Variants in CNTNAP2 observed in about 807,000 individuals in gnomAD.
CNTNAP2 encodes the protein contactin-associated protein-like 2.
Under a neutral mutation model 155.2 loss-of-function variants are expected in CNTNAP2, and 98 were observed. The observed-to-expected ratio is 0.63, with a 90% CI of 0.54 to 0.75. The LOEUF is 0.75. Ranked by LOEUF, CNTNAP2 falls within the 30% of genes least tolerant of loss-of-function variation. The pLI is 0.00. For synonymous variants in CNTNAP2, 651 were observed against 631.2 expected (o/e 1.03, Z -0.47); for missense variants, 1,727 against 1,688.1 (o/e 1.02, Z -0.40).
intron 15 of CNTNAP2, among the ~76,000 whole-genome samples, chr7:147,984,605 G>C (rs948228937): frequency 6.6e-6 from 1 of 151,962 alleles, no homozygotes; most frequent in Non-Finnish European, 1.5e-5. Flanking sequence ...TGCTAATGAG[G>C]GGGTCTAGGG....
intron 8 of CNTNAP2, among the ~76,000 whole-genome samples, chr7:147,179,501 G>A (rs900617768): frequency 2.6e-5 from 4 of 152,286 alleles, no homozygotes; most frequent in South Asian, 4.1e-4. Context: ...GGAACAAATG[G>A]TTGACCTGTA....
rs183047714 is a variant in CNTNAP2 at position 146,994,894 on chromosome 7, A to G, written c.403-49013A>G. 9.9e-4 allele frequency among the ~76,000 whole-genome samples: 150 copies of G among 152,182 alleles called. 1 individual carries two copies. The Middle Eastern group carries it at 0.01, about 10-fold the overall frequency. On this transcript the variant is annotated intron_variant, in intron 3 of 23. Transcript: ENST00000361727. ...TCTCTTTGTGTTTTTTAAGAATACA[A>G]CATGATTATTATCTATGGTTGCCAT...
In CNTNAP2 at chr7:148,367,408, A is replaced by G. The variant is rs533573889; in HGVS notation, c.3476-16241A>G. ...AAGGAAAAATGTTCTAATATATAATATGTTAATACATAATATCATTATATT... is the reference window on the plus strand; with the variant it reads ...AAGGAAAAATGTTCTAATATATAATGTGTTAATACATAATATCATTATATT... On this transcript the variant is annotated intron_variant, in intron 21 of 23. Coordinates refer to ENST00000361727, the MANE Select transcript of CNTNAP2 (RefSeq NM_014141.6). 2.4e-4 allele frequency among the ~76,000 whole-genome samples: 37 copies of G among 152,262 alleles called. 1 individual carries two copies. The South Asian group carries it at 7.7e-3, about 32-fold the overall frequency.
intron 2 of CNTNAP2, among the ~76,000 whole-genome samples, chr7:146,832,747 G>A (rs945590861): frequency 1.3e-5 from 2 of 151,788 alleles, no homozygotes; most frequent in Admixed American, 1.3e-4. Flanking sequence ...TCAGGCTGGA[G>A]TACAGTGGTG....
chr7:147,612,335 G>A (rs1801203230), intron 12 of CNTNAP2, among the ~76,000 whole-genome samples: 1 of 150,278 alleles, frequency 6.7e-6, no homozygotes. Flanking sequence ...TTTCATGTTT[G>A]TTTCCAATAG....
intron 3 of CNTNAP2, among the ~76,000 whole-genome samples, chr7:146,900,947 C>T (rs192569534): frequency 6.3e-4 from 96 of 152,074 alleles, no homozygotes; most frequent in Non-Finnish European, 9.4e-4. Flanking sequence ...ATCCTCTGTC[C>T]TCATAATATA....
intron 2 of CNTNAP2, among the ~76,000 whole-genome samples, chr7:146,823,985 G>C (rs1803349070): frequency 1.3e-5 from 2 of 151,926 alleles, no homozygotes; most frequent in Admixed American, 6.6e-5. Context: ...TGTCATCTGG[G>C]TTTTAAGCCC....
intron 1 of CNTNAP2, among the ~76,000 whole-genome samples, chr7:146,130,472 TTAA>T (rs1470306960): frequency 2.0e-5 from 3 of 152,220 alleles, no homozygotes; most frequent in Admixed American, 1.3e-4. Context: ...ACTCTGCCTC[TTAA>T]TAATTTTTTT....
intron 13 of CNTNAP2, among the ~76,000 whole-genome samples, chr7:147,784,583 C>T (rs1348328603): frequency 8.6e-6 from 1 of 116,786 alleles, no homozygotes; most frequent in African/African-American, 2.9e-5. Flanking sequence ...CTTGGGTGAG[C>T]AGAGTGGGAA....
In CNTNAP2 at chr7:147,916,677, G is replaced by GAAA. The variant is rs11423683; in HGVS notation, c.2255+12967_2255+12969dup. 1.1e-3 allele frequency among the ~76,000 whole-genome samples: 138 copies of GAAA among 128,634 alleles called. 1 individual carries two copies. The highest frequency in any genetic ancestry group is 3.8e-3 in the African/African-American group (129 of 34,190). The allele number at this position is 128,634 out of a possible 152,430, so 84.4% of individuals were successfully genotyped here. ...AAGAGGGAGAGCTGTTATGTTTTCT[G>GAAA]AAAAAAAAAAAAATGCATTCTGCCC... On this transcript the variant is annotated intron_variant, in intron 14 of 23. Transcript: ENST00000361727.
At position 147,204,163 on chromosome 7, in the gene CNTNAP2, T is replaced by C. The variant is rs149626506; in HGVS notation, c.1348+71654T>C. Reference sequence around the variant, plus strand: ...AATAATAGGATGATATAGATTATTCTGAAAGAAAATAAGAGAGCAGCTTAT... The same window carrying C: ...AATAATAGGATGATATAGATTATTCCGAAAGAAAATAAGAGAGCAGCTTAT... On this transcript the variant is annotated intron_variant, in intron 8 of 23. Coordinates refer to ENST00000361727, the MANE Select transcript of CNTNAP2 (RefSeq NM_014141.6). Among the ~76,000 whole-genome samples, 1,016 of 151,918 alleles carry C rather than the reference T, an allele frequency of 6.7e-3. 48 individuals are homozygous for C. The highest frequency in any genetic ancestry group is 0.062 in the Admixed American group (943 of 15,252).
At chr7:147,900,749 T>C (rs946295925) in intron 13 of CNTNAP2, among the ~76,000 whole-genome samples, 1 of 152,154 alleles carries the variant, frequency 6.6e-6, no homozygotes, top group Non-Finnish European at 1.5e-5. Flanking sequence ...CCCAAGTAAC[T>C]GGGACTAGAG....
chr7:146,655,461 A>G lies in CNTNAP2; in HGVS notation c.98-118810A>G, dbSNP rs558484079. 1.6e-3 allele frequency among the ~76,000 whole-genome samples: 244 copies of G among 151,758 alleles called. 1 individual carries two copies. Among genetic ancestry groups the G allele is most frequent in the Middle Eastern group, 3.4e-3 (1 of 292 alleles). On this transcript the variant is annotated intron_variant, in intron 1 of 23. Coordinates refer to ENST00000361727, the MANE Select transcript of CNTNAP2 (RefSeq NM_014141.6). ...AAAGAAAAATATATCTTTATTTTCA[A>G]TATTACTGTCAGTGCCTGAAATCAT...
intron 13 of CNTNAP2, among the ~76,000 whole-genome samples, chr7:147,863,539 C>A (rs1398372315): frequency 6.6e-6 from 1 of 152,186 alleles, no homozygotes. Flanking sequence ...AATTTAGACT[C>A]CCACCAACAG....
At chr7:147,012,414 A>G (rs1798644178) in intron 3 of CNTNAP2, among the ~76,000 whole-genome samples, 1 of 152,170 alleles carries the variant, frequency 6.6e-6, no homozygotes, top group South Asian at 2.1e-4. Flanking sequence ...GTATTCTTAA[A>G]ATTTTTGCTG....
At chr7:148,201,703 G>A (rs531752170) in intron 18 of CNTNAP2, among the ~76,000 whole-genome samples, 1 of 152,102 alleles carries the variant, frequency 6.6e-6, no homozygotes, top group South Asian at 2.1e-4. Context: ...AATCAGGGAT[G>A]GGCAGGCAGC....
At chr7:146,205,150 G>T (rs1260261687) in intron 1 of CNTNAP2, among the ~76,000 whole-genome samples, 1 of 151,886 alleles carries the variant, frequency 6.6e-6, no homozygotes, top group Non-Finnish European at 1.5e-5. Flanking sequence ...TCTATTCCAA[G>T]AACACATTTA....
intron 1 of CNTNAP2, among the ~76,000 whole-genome samples, chr7:146,590,740 G>C (rs111585651): frequency 6.6e-6 from 1 of 152,124 alleles, no homozygotes; most frequent in Non-Finnish European, 1.5e-5. Flanking sequence ...ATATGTTTCT[G>C]TGCATGCCCA....
Position 148,313,837 on chromosome 7 carries a change from G to A in CNTNAP2, c.3475+46711G>A, listed in dbSNP as rs191575424. 3.4e-3 allele frequency among the ~76,000 whole-genome samples: 520 copies of A among 152,184 alleles called. 3 individuals are homozygous for A. The highest frequency in any genetic ancestry group is 0.01 in the African/African-American group (422 of 41,494). On this transcript the variant is annotated intron_variant, in intron 21 of 23. Coordinates refer to ENST00000361727, the MANE Select transcript of CNTNAP2 (RefSeq NM_014141.6). ...CTTTTAGGGTCTAGGGCTATAAAGC[G>A]TCTCAGGGTTGCTGCCAAACAAGCC...
Sources: allele counts gnomAD v4.1 joint callset (sites outside exome capture counted in the v4.1 genomes callset), GRCh38; gene constraint gnomAD v4.1.1; transcripts MANE v1.5; gene names NCBI Gene and HGNC (gene_info 2026-07-23, HGNC 2026-07-21).